The following ATG3 variants were observed in gnomAD, a reference collection of about 807,000 sequenced individuals.
The protein encoded by ATG3 is ubiquitin-like-conjugating enzyme ATG3.
A neutral mutation model predicts 50.7 loss-of-function variants in ATG3; 25 were observed. That is an observed-to-expected ratio of 0.49 (90% CI 0.36 to 0.69). The LOEUF (loss-of-function observed/expected upper bound fraction) is 0.69, where lower values mean the gene tolerates loss of function less well. Among genes scored for constraint, ATG3 ranks in the 30% least tolerant of loss-of-function variants. ATG3 has a pLI of 0.00. For missense variants in ATG3, 281 were observed against 376.0 expected (o/e 0.75, Z 2.09); for synonymous variants, 119 against 125.5 (o/e 0.95, Z 0.34).
chr3:112,556,228 G>T (rs191021507), intron 2 of ATG3, among the ~76,000 whole-genome samples: 1 of 152,220 alleles, frequency 6.6e-6, no homozygotes. Context: ...AGCCTCGGCA[G>T]GGATAGTTTA....
intron 2 of ATG3, 99 bp from the exon 3 acceptor site, chr3:112,553,428 T>C: frequency 1.1e-6 from 1 of 951,470 alleles, no homozygotes; most frequent in Non-Finnish European, 1.7e-6. Flanking sequence ...TGGCACTAGG[T>C]AACACTGAAA....
chr3:112,533,433 A>C, intron 11 of ATG3: 1 of 985,306 alleles, frequency 1.0e-6, no homozygotes, highest in Non-Finnish European at 1.2e-6. Context: ...TTCAGGAGTA[A>C]ATATGGTTTG....
chr3:112,547,018 T>C (rs1933387005), intron 5 of ATG3, among the ~76,000 whole-genome samples: 1 of 152,224 alleles, frequency 6.6e-6, no homozygotes, highest in Non-Finnish European at 1.5e-5. Flanking sequence ...GTATCCTTTA[T>C]TCAGAGTAGG....
chr3:112,533,817 GTACTAT>G, intron 11 of ATG3: 1 of 985,702 alleles, frequency 1.0e-6, no homozygotes, highest in Non-Finnish European at 1.2e-6. Context: ...AAAAATGAAC[GTACTAT>G]ATTTTAAGAA....
At chr3:112,540,650 C>T (rs923695) in intron 7 of ATG3, among the ~76,000 whole-genome samples, 2,672 of 149,162 alleles carry the variant, frequency 0.018, 48 homozygotes, top group Middle Eastern at 0.028. Flanking sequence ...AAGAAACCCA[C>T]GGAACAGTAA....
intron 10 of ATG3, chr3:112,535,103 G>C (rs946755500): frequency 3.3e-5 from 5 of 152,088 alleles, no homozygotes; most frequent in African/African-American, 9.7e-5. Context: ...TGATATCAAA[G>C]TTAGTATCTA....
intron 2 of ATG3, among the ~76,000 whole-genome samples, chr3:112,554,145 A>G (rs1182875288): frequency 6.6e-6 from 1 of 152,204 alleles, no homozygotes; most frequent in African/African-American, 2.4e-5. Context: ...TGAGGGCAGA[A>G]AATTTAAGTC....
chr3:112,552,524 C>T (rs1480549344), intron 3 of ATG3, among the ~76,000 whole-genome samples: 1 of 151,356 alleles, frequency 6.6e-6, no homozygotes, highest in Admixed American at 6.6e-5. Context: ...TACTTTTGAA[C>T]CTAACAGAAA....
rs1418804067 is a variant in ATG3 at position 112,545,912 on chromosome 3, G to A, written c.344-1806C>T. Among the ~76,000 whole-genome samples, 3 of 152,160 alleles carry A rather than the reference G, an allele frequency of 2.0e-5. No homozygotes were observed. The South Asian group carries it at 6.2e-4, about 32-fold the overall frequency. On this transcript the variant is annotated intron_variant, in intron 5 of 11. Coordinates refer to ENST00000283290, the MANE Select transcript of ATG3 (RefSeq NM_022488.5). ...GATGTGATGAACATTTAAGTAAGTA[G>A]ACTGGATAAAGCAGATTACCCTCTA...
intron 3 of ATG3, among the ~76,000 whole-genome samples, chr3:112,552,648 A>ATTTT (rs1559847786): frequency 6.7e-6 from 1 of 149,902 alleles, no homozygotes; most frequent in African/African-American, 2.5e-5. Context: ...CCTGTTCAAA[A>ATTTT]ATTTTTTTTT....
chr3:112,550,985 C>G (rs1933510980), intron 3 of ATG3, among the ~76,000 whole-genome samples: 2 of 152,028 alleles, frequency 1.3e-5, no homozygotes, highest in Non-Finnish European at 2.9e-5. Context: ...GGTGGGAGAG[C>G]AAGGGTCAAA....
Position 112,550,180 on chromosome 3 carries a change from CA to C in ATG3, c.235+11del, listed in dbSNP as rs776636089. ...ACGCAAAATTTATTCATATATGCAA[CA>C]TAATTCTTACCATTTTTGGTTACCA... On this transcript the variant is annotated intron_variant, in intron 4 of 11. Coordinates refer to ENST00000283290, the MANE Select transcript of ATG3 (RefSeq NM_022488.5). 27 of 1,593,538 alleles carry C rather than the reference CA, an allele frequency of 1.7e-5. No individual in the cohort carries two copies. In the South Asian group the frequency reaches 3.0e-4, roughly 18 times the overall value.
intron 3 of ATG3, among the ~76,000 whole-genome samples, chr3:112,550,563 A>C (rs1042853081): frequency 6.6e-6 from 1 of 152,236 alleles, no homozygotes; most frequent in Non-Finnish European, 1.5e-5. Context: ...GTTTGCCTCT[A>C]AACAACAATA....
At chr3:112,559,318 A>C (rs1028256633) in intron 1 of ATG3, among the ~76,000 whole-genome samples, 1 of 152,222 alleles carries the variant, frequency 6.6e-6, no homozygotes, top group Non-Finnish European at 1.5e-5. Flanking sequence ...TTTCTGGTAG[A>C]GTCTACAAAA....
At chr3:112,559,573 G>A (rs546415787) in intron 1 of ATG3, among the ~76,000 whole-genome samples, 1 of 152,334 alleles carries the variant, frequency 6.6e-6, no homozygotes, top group African/African-American at 2.4e-5. Flanking sequence ...ATTTAAAATA[G>A]AATGGTAAGA....
chr3:112,557,169 G>A (rs1018347387), intron 2 of ATG3, among the ~76,000 whole-genome samples: 2 of 134,444 alleles, frequency 1.5e-5, no homozygotes, highest in African/African-American at 2.9e-5. Flanking sequence ...ACGGAGTCTC[G>A]TTCTGTCGCC....
intron 9 of ATG3, among the ~76,000 whole-genome samples, chr3:112,537,135 G>A (rs1933085447): frequency 6.6e-6 from 1 of 151,964 alleles, no homozygotes; most frequent in South Asian, 2.1e-4. Flanking sequence ...GCCAAGCTCT[G>A]TGACAGCTAC....
At chr3:112,537,948 C>G (rs950151002) in intron 8 of ATG3, 58 bp from the exon 9 acceptor site, 19 of 1,465,206 alleles carry the variant, frequency 1.3e-5, no homozygotes, top group Non-Finnish European at 1.6e-5. Flanking sequence ...ATGTGACATT[C>G]TAGAAAACTT....
At chr3:112,547,732 G>A (rs1933407682) in intron 5 of ATG3, among the ~76,000 whole-genome samples, 1 of 152,226 alleles carries the variant, frequency 6.6e-6, no homozygotes, top group East Asian at 1.9e-4. Context: ...ATCATACACT[G>A]TGATAGATAC....
Sources: allele counts gnomAD v4.1 joint callset (sites outside exome capture counted in the v4.1 genomes callset), GRCh38; gene constraint gnomAD v4.1.1; transcripts MANE v1.5; gene names NCBI Gene and HGNC (gene_info 2026-07-23, HGNC 2026-07-21).